Variants in PTPRM observed in about 807,000 individuals in gnomAD.
PTPRM encodes the protein receptor-type tyrosine-protein phosphatase mu.
Under a neutral mutation model 186.7 loss-of-function variants are expected in PTPRM, and 47 were observed. The ratio of observed to expected loss-of-function variants is 0.25; its 90% CI spans 0.20 to 0.32. The LOEUF (loss-of-function observed/expected upper bound fraction) is 0.32, where lower values mean the gene tolerates loss of function less well. Ranked by LOEUF, PTPRM falls within the 10% of genes least tolerant of loss-of-function variation. The probability of loss-of-function intolerance (pLI) is 1.00; values close to 1 mark genes in which losing one functional copy is unlikely to be tolerated. For synonymous variants in PTPRM, 668 were observed against 674.9 expected, an observed-to-expected ratio of 0.99 and a Z score of 0.16; for missense variants, 1,494 against 1,865.0, an observed-to-expected ratio of 0.80 and a Z score of 3.66.
At chr18:8,396,008 G>A (rs959311940) in intron 32 of PTPRM, among the ~76,000 whole-genome samples, 4 of 152,206 alleles carry the variant, frequency 2.6e-5, no homozygotes, top group Non-Finnish European at 5.9e-5. Context: ...TGCCAGGCGT[G>A]ATGCCATCAG....
chr18:8,006,377 C>G (rs1489554147), intron 7 of PTPRM, among the ~76,000 whole-genome samples: 1 of 152,056 alleles, frequency 6.6e-6, no homozygotes. Flanking sequence ...TTACAGTGGC[C>G]CTGTTCGCAT....
chr18:7,742,317 A>G (rs534442422), intron 1 of PTPRM, among the ~76,000 whole-genome samples: 153 of 152,326 alleles, frequency 1.0e-3, no homozygotes, highest in African/African-American at 3.4e-3. Context: ...ATGCCAAAAA[A>G]TGGGCTTTCA....
At chr18:8,076,402 T>C in intron 8 of PTPRM, 53 bp from the exon 9 acceptor site, 1 of 1,086,066 alleles carries the variant, frequency 9.2e-7, no homozygotes, top group Non-Finnish European at 1.4e-6. Flanking sequence ...TAGAAAAATC[T>C]ACTTTTTAAT....
At chr18:8,293,602 A>G (rs2095063672) in intron 19 of PTPRM, among the ~76,000 whole-genome samples, 1 of 152,246 alleles carries the variant, frequency 6.6e-6, no homozygotes, top group South Asian at 2.1e-4. Context: ...GTAATTAATC[A>G]TGACAAACTC....
At position 7,729,890 on chromosome 18, in the gene PTPRM, C is replaced by T. The variant is rs557022498; in HGVS notation, c.74-44259C>T. Reference sequence around the variant, plus strand: ...AATGAATTAAAGCTTTTATACATTCCGTGTTGAAGTTGTCTCTAGTGTATT... The same window carrying T: ...AATGAATTAAAGCTTTTATACATTCTGTGTTGAAGTTGTCTCTAGTGTATT... On this transcript the variant is annotated intron_variant, in intron 1 of 32. Transcript: ENST00000580170. 1.2e-4 allele frequency among the ~76,000 whole-genome samples: 18 copies of T among 151,978 alleles called. No individual in the cohort carries two copies. In the South Asian group the frequency reaches 3.3e-3, roughly 28 times the overall value.
Position 8,244,317 on chromosome 18 carries a change from A to G in PTPRM, c.2452+108A>G. The G allele has an allele frequency of 3.5e-6, 4 of 1,157,578 alleles. No individual in the cohort carries two copies. The South Asian group carries it at 5.8e-5, about 17-fold the overall frequency. 71.7% of individuals were successfully genotyped at this position (1,157,578 alleles called of 1,614,324 possible). ...AAAAAAGCTTCCTGAAGAAATTTTT[A>G]TGCCGTGTTGGTTTCTTCAGTCATT... is the stretch of plus-strand genomic sequence containing the variant. On this transcript the variant is annotated intron_variant, in intron 15 of 32. Coordinates refer to ENST00000580170, the MANE Select transcript of PTPRM (RefSeq NM_001105244.2).
chr18:8,065,564 G>T (rs2089000300), intron 7 of PTPRM, among the ~76,000 whole-genome samples: 1 of 152,120 alleles, frequency 6.6e-6, no homozygotes, highest in Admixed American at 6.6e-5. Context: ...CATGATTCAT[G>T]CCAACGGGGC....
chr18:8,384,524 T>A (rs761025929), intron 29 of PTPRM, 37 bp from the exon 30 acceptor site: 2 of 1,611,746 alleles, frequency 1.2e-6, no homozygotes, highest in Admixed American at 1.7e-5. Flanking sequence ...AAATTTCCTC[T>A]TATAACTAAC....
intron 13 of PTPRM, among the ~76,000 whole-genome samples, chr18:8,120,295 A>G (rs960194974): frequency 6.6e-6 from 1 of 152,200 alleles, no homozygotes; most frequent in Non-Finnish European, 1.5e-5. Context: ...CATAGAGATC[A>G]TATAAAAATC....
intron 10 of PTPRM, among the ~76,000 whole-genome samples, 154 bp from the exon 11 acceptor site, chr18:8,088,595 G>C (rs1231333131): frequency 6.6e-6 from 1 of 152,166 alleles, no homozygotes; most frequent in African/African-American, 2.4e-5. Flanking sequence ...ATTCTATGTA[G>C]GGAATATATG....
chr18:7,588,764 G>A (rs2037047889), intron 1 of PTPRM, among the ~76,000 whole-genome samples: 1 of 152,196 alleles, frequency 6.6e-6, no homozygotes, highest in African/African-American at 2.4e-5. Context: ...GCTCTGAAAT[G>A]TATCCTTTAA....
chr18:8,364,586 G>C (rs1033211413), intron 23 of PTPRM, among the ~76,000 whole-genome samples: 2 of 152,174 alleles, frequency 1.3e-5, no homozygotes, highest in African/African-American at 4.8e-5. Context: ...TGGTAGCTGT[G>C]CTTCATGGCA....
intron 1 of PTPRM, among the ~76,000 whole-genome samples, chr18:7,664,305 C>A (rs867671011): frequency 6.6e-6 from 1 of 152,156 alleles, no homozygotes; most frequent in African/African-American, 2.4e-5. Context: ...TGTGGGATTA[C>A]GCAGGAGCTA....
At chr18:7,678,900 C>T (rs992448086) in intron 1 of PTPRM, among the ~76,000 whole-genome samples, 15 of 152,004 alleles carry the variant, frequency 9.9e-5, no homozygotes, top group African/African-American at 3.6e-4. Flanking sequence ...TGCATGTATC[C>T]GTATGCTGAG....
intron 1 of PTPRM, among the ~76,000 whole-genome samples, chr18:7,633,630 C>CT (rs1168464670): frequency 6.6e-6 from 1 of 152,170 alleles, no homozygotes; most frequent in African/African-American, 2.4e-5. Flanking sequence ...GACCTGCTCT[C>CT]TCTATCTGGC....
At chr18:7,734,953 A>T (rs2040736818) in intron 1 of PTPRM, among the ~76,000 whole-genome samples, 1 of 152,182 alleles carries the variant, frequency 6.6e-6, no homozygotes, top group African/African-American at 2.4e-5. Context: ...TTAACCAAAA[A>T]TAAAATTCTA....
At chr18:8,240,790 GA>G (rs2094422148) in intron 14 of PTPRM, among the ~76,000 whole-genome samples, 1 of 31,166 alleles carries the variant, frequency 3.2e-5, no homozygotes, top group East Asian at 4.4e-4. Flanking sequence ...GAGAGAGAGA[GA>G]GAGAGAGAGA....
At chr18:8,072,691 A>G (rs900644253) in intron 8 of PTPRM, among the ~76,000 whole-genome samples, 4 of 152,110 alleles carry the variant, frequency 2.6e-5, no homozygotes, top group Non-Finnish European at 4.4e-5. Flanking sequence ...TTATTGAAAT[A>G]CAGTTTTTTT....
intron 1 of PTPRM, among the ~76,000 whole-genome samples, chr18:7,659,451 A>G (rs1188870340): frequency 6.6e-6 from 1 of 152,138 alleles, no homozygotes; most frequent in Non-Finnish European, 1.5e-5. Context: ...TGCAGTCTAA[A>G]GTTATCTTGT....
Sources: gnomAD v4.1 joint callset for allele counts (sites outside exome capture counted in the v4.1 genomes callset) on GRCh38, gnomAD v4.1.1 for gene constraint, MANE v1.5 for transcripts, NCBI Gene and HGNC (gene_info 2026-07-23, HGNC 2026-07-21) for gene names.